The following PCSK5 variants were observed in gnomAD, a reference collection of about 807,000 sequenced individuals.
PCSK5 encodes the protein proprotein convertase subtilisin/kexin type 5.
In PCSK5, 129 loss-of-function variants were observed where a neutral mutation model predicts 233.2. That is an observed-to-expected ratio of 0.55 (90% CI 0.48 to 0.64). The LOEUF is 0.64. PCSK5 is among the 30% of genes least tolerant of loss of function. The pLI is 0.00. For missense variants in PCSK5, 2,076 were observed against 2,430.1 expected, an observed-to-expected ratio of 0.85 and a Z score of 3.06; for synonymous variants, 825 against 879.2, an observed-to-expected ratio of 0.94 and a Z score of 1.09.
At position 76,345,658 on chromosome 9, in the gene PCSK5, G is replaced by A. The variant is rs570903779; in HGVS notation, c.4967-5170G>A. On this transcript the variant is annotated intron_variant, in intron 35 of 37. Coordinates refer to ENST00000674117, the MANE Select transcript of PCSK5 (RefSeq NM_001372043.1). ...AGGATGGTCTCGATCTCCTGACCTCGTGATACACCCGCCTCAGCCTCCCAA... is the reference window on the plus strand; with the variant it reads ...AGGATGGTCTCGATCTCCTGACCTCATGATACACCCGCCTCAGCCTCCCAA... 1.3e-3 allele frequency among the ~76,000 whole-genome samples: 194 copies of A among 151,974 alleles called. No homozygotes were observed. In the Middle Eastern group the frequency reaches 0.017, roughly 13 times the overall value.
intron 1 of PCSK5, among the ~76,000 whole-genome samples, chr9:75,923,797 A>T (rs1587367073): frequency 6.6e-6 from 1 of 152,180 alleles, no homozygotes; most frequent in Non-Finnish European, 1.5e-5. Flanking sequence ...TCTGGAGGAG[A>T]CTTTGTTTCC....
chr9:75,962,256 G>T (rs1825386406), intron 2 of PCSK5, among the ~76,000 whole-genome samples: 1 of 152,164 alleles, frequency 6.6e-6, no homozygotes, highest in South Asian at 2.1e-4. Flanking sequence ...GGGCTCTGAA[G>T]GGTGGATATG....
intron 35 of PCSK5, among the ~76,000 whole-genome samples, chr9:76,345,467 G>A (rs1213862674): frequency 6.6e-6 from 1 of 152,072 alleles, no homozygotes; most frequent in Non-Finnish European, 1.5e-5. Flanking sequence ...CGCCCAGGCT[G>A]GAGTGCAGTG....
intron 20 of PCSK5, chr9:76,195,186 A>AAGTT (rs1824629798): frequency 6.5e-6 from 1 of 153,200 alleles, no homozygotes; most frequent in Non-Finnish European, 1.5e-5. Context: ...AAAAAAATGA[A>AAGTT]AGTTAATCCT....
chr9:76,241,962 G>A (rs1042199729), intron 24 of PCSK5, among the ~76,000 whole-genome samples: 3 of 152,166 alleles, frequency 2.0e-5, no homozygotes, highest in African/African-American at 7.2e-5. Context: ...GAGGATTTGT[G>A]TTTCTGACAA....
At chr9:76,172,749 A>G (rs930579983) in intron 13 of PCSK5, among the ~76,000 whole-genome samples, 3 of 152,212 alleles carry the variant, frequency 2.0e-5, no homozygotes, top group Admixed American at 6.5e-5. Flanking sequence ...GCAATCAGAT[A>G]GGTCATCAAT....
At chr9:76,085,045 T>C (rs1160909582) in intron 7 of PCSK5, among the ~76,000 whole-genome samples, 2 of 152,206 alleles carry the variant, frequency 1.3e-5, no homozygotes, top group Non-Finnish European at 1.5e-5. Context: ...AACTGAGTCT[T>C]GGCAAAGTTA....
intron 2 of PCSK5, among the ~76,000 whole-genome samples, chr9:75,952,305 C>T (rs1438212376): frequency 6.6e-6 from 1 of 152,160 alleles, no homozygotes; most frequent in African/African-American, 2.4e-5. Flanking sequence ...GGACAAAAGT[C>T]TATATCCCTG....
rs182986899 is a variant in PCSK5 at position 76,183,363 on chromosome 9, C to A, written c.2198-1310C>A. 1.8e-3 allele frequency among the ~76,000 whole-genome samples: 279 copies of A among 152,196 alleles called. 1 individual carries two copies. The highest frequency in any genetic ancestry group is 6.0e-3 in the African/African-American group (248 of 41,510). On this transcript the variant is annotated intron_variant, in intron 16 of 37. Transcript: ENST00000674117. ...TTATAGTTTTCCTCTCTAATGAGTC[C>A]ATTTATGTACAACATGATGATCACA...
chr9:76,282,577 CAA>C (rs1400054312), intron 24 of PCSK5, among the ~76,000 whole-genome samples: 1 of 152,082 alleles, frequency 6.6e-6, no homozygotes, highest in African/African-American at 2.4e-5. Flanking sequence ...CTCAGCCTCC[CAA>C]AGTGTTGGGA....
chr9:75,925,497 C>T (rs1012166065), intron 1 of PCSK5, among the ~76,000 whole-genome samples: 1 of 152,200 alleles, frequency 6.6e-6, no homozygotes, highest in African/African-American at 2.4e-5. Context: ...ATGGGGCTAA[C>T]ATTCTAGTGG....
chr9:76,205,127 C>T (rs1252736318), intron 20 of PCSK5: 1 of 518,846 alleles, frequency 1.9e-6, no homozygotes, highest in African/African-American at 1.9e-5. Context: ...CTAGAAAGAT[C>T]TCATTGTCAG....
At chr9:76,129,255 T>TA (rs5898452) in intron 9 of PCSK5, among the ~76,000 whole-genome samples, 73,997 of 151,760 alleles carry the variant, frequency 0.49, 18,336 homozygotes, top group Admixed American at 0.53. Context: ...ACATAATCTT[T>TA]AAAAAAAGTG....
intron 9 of PCSK5, among the ~76,000 whole-genome samples, chr9:76,117,550 G>T (rs989671940): frequency 3.3e-5 from 5 of 152,074 alleles, no homozygotes; most frequent in African/African-American, 1.2e-4. Flanking sequence ...TTCTGGCAAC[G>T]TTAAGCACAT....
chr9:76,142,330 T>C (rs1823262610), intron 10 of PCSK5, among the ~76,000 whole-genome samples: 1 of 152,024 alleles, frequency 6.6e-6, no homozygotes, highest in South Asian at 2.1e-4. Flanking sequence ...AATCTTTATG[T>C]GGACAAATTA....
At chr9:75,956,603 C>A (rs112913085) in intron 2 of PCSK5, among the ~76,000 whole-genome samples, 4 of 152,204 alleles carry the variant, frequency 2.6e-5, no homozygotes, top group South Asian at 2.1e-4. Context: ...CTCAAAATTA[C>A]CCTCTTTGAA....
intron 3 of PCSK5, among the ~76,000 whole-genome samples, chr9:76,020,986 A>G (rs1828161931): frequency 6.6e-6 from 1 of 152,194 alleles, no homozygotes; most frequent in South Asian, 2.1e-4. Flanking sequence ...GAGAGGCCCA[A>G]AAACTCTTGG....
At chr9:75,962,571 G>A (rs923349886) in intron 2 of PCSK5, among the ~76,000 whole-genome samples, 1 of 152,242 alleles carries the variant, frequency 6.6e-6, no homozygotes, top group African/African-American at 2.4e-5. Context: ...TGTGGTGCTG[G>A]AGTGTGTGCC....
Position 76,184,730 on chromosome 9 carries a change from A to T in PCSK5, c.2255A>T (p.Asn752Ile). 1 of 1,607,894 alleles carries T rather than the reference A, an allele frequency of 6.2e-7. No individual in the cohort carries two copies. The highest frequency in any genetic ancestry group is 8.5e-7 in the Non-Finnish European group (1 of 1,174,682). Residue 752 changes from asparagine to isoleucine, a missense_variant, in exon 17 of 38, where the codon AAC (asparagine) becomes ATC (isoleucine). By Grantham distance (149) the Asn-to-Ile change is moderately radical. Transcript: ENST00000674117. ...ENCKTCTEFHNCTECRDGLSL... is the reference protein window; with the variant it reads ...ENCKTCTEFHICTECRDGLSL... ...TGCAAGACATGTACTGAATTCCATA[A>T]CTGTACAGAATGTAGGGATGGGTTA...
Sources: allele counts gnomAD v4.1 joint callset (sites outside exome capture counted in the v4.1 genomes callset), GRCh38; gene constraint gnomAD v4.1.1; transcripts MANE v1.5; gene names NCBI Gene and HGNC (gene_info 2026-07-23, HGNC 2026-07-21).